SYNE2: variants seen among roughly 807,000 people sequenced by gnomAD.
The protein encoded by SYNE2 is nesprin-2.
Under a neutral mutation model 856.3 loss-of-function variants are expected in SYNE2, and 431 were observed. That is an observed-to-expected ratio of 0.50 (90% confidence interval 0.47 to 0.55). The LOEUF is 0.55. Ranked by LOEUF, SYNE2 falls within the 20% of genes least tolerant of loss-of-function variation. The pLI is 0.00. For synonymous variants in SYNE2, 2,923 were observed against 2,872.3 expected (o/e 1.02, Z -0.56); for missense variants, 8,129 against 8,023.2 (o/e 1.01, Z -0.50).
At chr14:64,074,217 C>A in intron 53 of SYNE2, 81 bp downstream of exon 53, 2 of 1,446,234 alleles carry the variant, frequency 1.4e-6, no homozygotes, top group Non-Finnish European at 1.9e-6. Flanking sequence ...AGAGATAACT[C>A]AGTGGCTGGG....
rs974800972 is a variant in SYNE2 at position 63,954,857 on chromosome 14, A to G, written c.729A>G (p.Arg243=). ...ATAGATCCAACAAAGACAATCTGAG[A>G]GAGGCCTTCAGAATTGCAGAACAAG... The part of the protein sequence containing the change: ...VKHRSNKDNL[R]EAFRIAEQEL... The change falls in exon 8 of 116, where the codon AGA becomes AGG. Residue 243 remains arginine, a synonymous_variant. Transcript: ENST00000555002. 1 of 1,613,948 alleles carries G rather than the reference A, an allele frequency of 6.2e-7. No homozygotes were observed. Among genetic ancestry groups the G allele is most frequent in the African/African-American group, 1.3e-5 (1 of 75,062 alleles).
intron 45 of SYNE2, among the ~76,000 whole-genome samples, chr14:64,035,111 T>C (rs1200326100): frequency 6.6e-6 from 1 of 151,942 alleles, no homozygotes; most frequent in Non-Finnish European, 1.5e-5. Context: ...TTGTTAGCAT[T>C]TCTGAATTGA....
rs777868838 is a variant in SYNE2, at chr14:64,007,217, C to T, written c.4572C>T (p.Thr1524=). The T allele has an allele frequency of 2.4e-5, 38 of 1,613,624 alleles. 1 individual carries two copies. The Middle Eastern group carries it at 1.5e-3, about 63-fold the overall frequency. The change falls in exon 31 of 116, where the codon ACC becomes ACT. Residue 1524 remains threonine, a synonymous_variant. Transcript: ENST00000555002. The part of the protein sequence containing the change: ...VLWENTKALV[T]ECLEQCGRVL... ...GGGAGAATACCAAAGCCTTGGTCACCGAATGGTAAGGAAAAAAAAGAATCC... is the reference window on the plus strand; with the variant it reads ...GGGAGAATACCAAAGCCTTGGTCACTGAATGGTAAGGAAAAAAAAGAATCC...
chr14:63,791,118 C>T (rs1887716716), intron 1 of SYNE2, among the ~76,000 whole-genome samples: 1 of 152,000 alleles, frequency 6.6e-6, no homozygotes, highest in Non-Finnish European at 1.5e-5. Context: ...CCACCACACC[C>T]AGCTAGCTAA....
At position 64,098,722 on chromosome 14, in the gene SYNE2, G is replaced by C. The variant is rs1272606082; in HGVS notation, c.12307-25G>C. On this transcript the variant is annotated intron_variant, in intron 62 of 115. Coordinates refer to ENST00000555002, the MANE Select transcript of SYNE2 (RefSeq NM_182914.3). ...GATGTTGACTGGCAAGCAGACTGCA[G>C]GTATTCTTGTGCTGTGCCTTTCAGT... The C allele has an allele frequency of 3.7e-6, 6 of 1,612,558 alleles. No individual in the cohort carries two copies. The South Asian group carries it at 6.6e-5, about 18-fold the overall frequency.
chr14:63,771,529 G>A (rs935931642), intron 1 of SYNE2, among the ~76,000 whole-genome samples: 1 of 152,158 alleles, frequency 6.6e-6, no homozygotes, highest in African/African-American at 2.4e-5. Context: ...ACATATGTGG[G>A]AATTTCTTGG....
At chr14:63,891,111 C>G (rs2095119996) in intron 1 of SYNE2, among the ~76,000 whole-genome samples, 1 of 152,112 alleles carries the variant, frequency 6.6e-6, no homozygotes, top group Admixed American at 6.6e-5. Context: ...GGATGGAAAG[C>G]CTCTAAATTA....
intron 1 of SYNE2, among the ~76,000 whole-genome samples, chr14:63,814,518 AT>A (rs376615594): frequency 2.7e-5 from 3 of 110,812 alleles, no homozygotes; most frequent in Non-Finnish European, 3.8e-5. Context: ...ATATATATCC[AT>A]TATATATATC....
chr14:64,122,394 A>G lies in SYNE2; in HGVS notation c.13389A>G (p.Ile4463Met). 6.2e-7 allele frequency: 1 copy of G among 1,614,230 alleles called. No individual in the cohort carries two copies. The highest frequency in any genetic ancestry group is 1.1e-5 in the South Asian group (1 of 91,082). The change falls in exon 70 of 116, where the codon ATA (isoleucine) becomes ATG (methionine). Residue 4463 changes from isoleucine (I) to methionine (M), a missense_variant. Ile to Met is a conservative substitution (Grantham distance 10). Coordinates refer to ENST00000555002, the MANE Select transcript of SYNE2 (RefSeq NM_182914.3). Reference sequence around the variant, plus strand: ...TGCATCATGAACTCTCATCAAAAATAAAGCTCCCACTCCCTCAGCTTGTGG... The same window carrying G: ...TGCATCATGAACTCTCATCAAAAATGAAGCTCCCACTCCCTCAGCTTGTGG... ...QYLHHELSSK[I>M]KLPLPQLVEP... is the part of the protein sequence containing the mutation.
At chr14:63,872,256 C>T (rs1038923334) in intron 1 of SYNE2, among the ~76,000 whole-genome samples, 3 of 151,644 alleles carry the variant, frequency 2.0e-5, no homozygotes, top group Non-Finnish European at 4.4e-5. Context: ...TGGTGAAACC[C>T]TGTCTCTACT....
intron 99 of SYNE2, among the ~76,000 whole-genome samples, chr14:64,199,713 C>CAAAAAAAAAAAAA (rs34710996): frequency 1.5e-5 from 1 of 66,060 alleles, no homozygotes; most frequent in Admixed American, 1.7e-4. Flanking sequence ...GACTCTGTCT[C>CAAAAAAAAAAAAA]AAAAAAAAAA....
intron 2 of SYNE2, among the ~76,000 whole-genome samples, chr14:63,928,973 C>T (rs1015161281): frequency 1.3e-5 from 2 of 152,100 alleles, no homozygotes; most frequent in African/African-American, 4.8e-5. Context: ...CACAGAGCTC[C>T]TAAAACCCTT....
At chr14:63,830,287 C>T (rs1889622897) in intron 1 of SYNE2, among the ~76,000 whole-genome samples, 1 of 147,696 alleles carries the variant, frequency 6.8e-6, no homozygotes, top group African/African-American at 2.5e-5. Context: ...TTGAGGGTAA[C>T]AAAATATTCT....
intron 1 of SYNE2, among the ~76,000 whole-genome samples, chr14:63,796,870 G>C (rs984639882): frequency 1.3e-5 from 2 of 152,046 alleles, no homozygotes; most frequent in Non-Finnish European, 2.9e-5. Flanking sequence ...ACGAGGTCAG[G>C]AGTTGGAGAC....
At chr14:63,787,327 T>C (rs1348936437) in intron 1 of SYNE2, among the ~76,000 whole-genome samples, 1 of 152,142 alleles carries the variant, frequency 6.6e-6, no homozygotes, top group South Asian at 2.1e-4. Context: ...AACTGACTCA[T>C]CTTCTTCCCC....
intron 45 of SYNE2, among the ~76,000 whole-genome samples, chr14:64,047,433 G>A (rs968990457): frequency 1.3e-5 from 2 of 152,194 alleles, no homozygotes; most frequent in Non-Finnish European, 2.9e-5. Context: ...AGGAAAGTGT[G>A]CCAAACAGGA....
chr14:64,070,657 G>C lies in SYNE2; in HGVS notation c.10444G>C (p.Ala3482Pro), dbSNP rs1009893200. The change falls in exon 52 of 116, where the codon GCA (alanine) becomes CCA (proline). Residue 3482 changes from alanine (A) to proline (P), a missense_variant. Ala to Pro is a conservative substitution (Grantham distance 27). Around this residue, in one of 3 missense-constraint regions of SYNE2, gnomAD observed 5,410 missense variants for 5,284.8 expected, o/e 1.02. Transcript: ENST00000555002. Reference protein sequence around the residue: ...KFVSEEIEREAIILDNLQEEL... With the variant: ...KFVSEEIEREPIILDNLQEEL... ...TTTTTTGAATTAGATTGAACGAGAG[G>C]CAATTATTTTAGATAATCTTCAGGA... 1.2e-6 allele frequency: 2 copies of C among 1,612,970 alleles called. No individual in the cohort carries two copies. The highest frequency in any genetic ancestry group is 1.7e-5 in the Admixed American group (1 of 59,880).
chr14:63,868,966 C>T (rs537707798), intron 1 of SYNE2, among the ~76,000 whole-genome samples: 1 of 152,162 alleles, frequency 6.6e-6, no homozygotes, highest in Non-Finnish European at 1.5e-5. Context: ...CACTCCAAAA[C>T]AAATGTTTCC....
chr14:64,189,005 C>A, intron 98 of SYNE2: 1 of 702,122 alleles, frequency 1.4e-6, no homozygotes. Flanking sequence ...CAGCTGATAC[C>A]CCAAGTGAGT....
Sources: allele counts gnomAD v4.1 joint callset (sites outside exome capture counted in the v4.1 genomes callset), GRCh38; gene constraint gnomAD v4.1.1; regional missense constraint gnomAD v4.1.1; transcripts MANE v1.5; gene names NCBI Gene and HGNC (gene_info 2026-07-23, HGNC 2026-07-21).